BCL11B: variants seen among roughly 807,000 people sequenced by gnomAD.
The protein encoded by BCL11B is BCL11 transcription factor B.
BCL11B carries 8 observed loss-of-function variants against 49.9 expected under a neutral mutation model. The observed-to-expected ratio is 0.16, with a 90% CI of 0.09 to 0.29. The LOEUF is 0.29. BCL11B is among the 10% of genes least tolerant of loss of function. The pLI is 1.00. For missense variants in BCL11B, 1,006 were observed against 1,351.0 expected, an observed-to-expected ratio of 0.74 and a Z score of 4.00; for synonymous variants, 739 against 637.4, an observed-to-expected ratio of 1.16 and a Z score of -2.40.
At chr14:99,270,087 G>C (rs914340647) in intron 1 of BCL11B, among the ~76,000 whole-genome samples, 5 of 151,784 alleles carry the variant, frequency 3.3e-5, no homozygotes, top group South Asian at 2.1e-4. Context: ...GCCCGCTCGC[G>C]CTCGCTTTTC....
intron 3 of BCL11B, among the ~76,000 whole-genome samples, chr14:99,198,475 C>G (rs1243576210): frequency 2.0e-5 from 3 of 152,164 alleles, no homozygotes; most frequent in Non-Finnish European, 4.4e-5. Flanking sequence ...TTTTCAATTG[C>G]TGGGTGATGT....
Position 99,174,798 on chromosome 14 carries a change from CG to C in BCL11B, c.2037del (p.Leu681SerfsTer42). 7.0e-7 allele frequency: 1 copy of C among 1,430,884 alleles called. No homozygotes were observed. 88.6% of individuals were successfully genotyped at this position (1,430,884 alleles called of 1,614,324 possible). On this transcript the variant is annotated frameshift_variant, in exon 4 of 4. Transcript: ENST00000357195. LOFTEE classifies it high-confidence loss of function. The part of the protein sequence containing the change: ...FPRKPAPLPS[P>X]GLNSAAKRIK... ...ATGCGCTTGGCGGCGCTGTTGAGCC[CG>C]GGGCTGGGCAGCGGCGCGGGCTTGC... is the stretch of plus-strand genomic sequence containing the variant.
rs184242119 is a variant in BCL11B, at chr14:99,188,304, G to C, written c.641-12109C>G. The stretch of plus-strand genomic sequence containing the variant: ...AAAAACTGGACCTTATGAATGGGGG[G>C]AACACTGTTTGGATCACCAAGTGTT... On this transcript the variant is annotated intron_variant, in intron 3 of 3. Coordinates refer to ENST00000357195, the MANE Select transcript of BCL11B (RefSeq NM_138576.4). Among the ~76,000 whole-genome samples, 12 of 152,226 alleles carry C rather than the reference G, an allele frequency of 7.9e-5. No homozygotes were observed. The East Asian group carries it at 1.3e-3, about 17-fold the overall frequency.
intron 3 of BCL11B, among the ~76,000 whole-genome samples, chr14:99,190,983 T>C (rs916123886): frequency 3.3e-5 from 5 of 152,152 alleles, no homozygotes; most frequent in African/African-American, 1.2e-4. Flanking sequence ...AATCTAACAA[T>C]GGGAATTCAG....
intron 3 of BCL11B, among the ~76,000 whole-genome samples, chr14:99,188,707 C>G (rs1199970501): frequency 6.6e-6 from 1 of 152,148 alleles, no homozygotes; most frequent in Non-Finnish European, 1.5e-5. Flanking sequence ...CTCTGCCCCC[C>G]ACAGTGGGCT....
intron 3 of BCL11B, among the ~76,000 whole-genome samples, chr14:99,176,883 G>T (rs956530358): frequency 6.6e-6 from 1 of 151,948 alleles, no homozygotes; most frequent in Non-Finnish European, 1.5e-5. Context: ...CCAGGGAGTT[G>T]TACAGAAACA....
Position 99,205,334 on chromosome 14 carries a change from C to T in BCL11B, c.640+26011G>A, listed in dbSNP as rs1887503950. Among the ~76,000 whole-genome samples, 1 of 152,160 alleles carries T rather than the reference C, an allele frequency of 6.6e-6. No individual in the cohort carries two copies. Among genetic ancestry groups the T allele is most frequent in the Non-Finnish European group, 1.5e-5 (1 of 68,034 alleles). On this transcript the variant is annotated intron_variant, in intron 3 of 3. Transcript: ENST00000357195. The surrounding 1 kb of genome is among the most constrained non-coding windows in gnomAD (Gnocchi z 5.0). ...CGGGGACAGTCCCTAACTGAGACGG[C>T]CCAGGCCAGCAGGGCCAGTGGAGGA...
intron 2 of BCL11B, among the ~76,000 whole-genome samples, chr14:99,244,665 A>G (rs1345921714): frequency 6.6e-6 from 1 of 152,222 alleles, no homozygotes. Context: ...CCAAGTGTTG[A>G]ATTTGTTACC....
intron 3 of BCL11B, among the ~76,000 whole-genome samples, chr14:99,210,351 A>G (rs1308976076): frequency 6.6e-6 from 1 of 152,166 alleles, no homozygotes; most frequent in Non-Finnish European, 1.5e-5. Flanking sequence ...CCAAAACCGG[A>G]GAAGGGGAGG....
chr14:99,188,907 C>T (rs1054450060), intron 3 of BCL11B, among the ~76,000 whole-genome samples: 1 of 152,232 alleles, frequency 6.6e-6, no homozygotes, highest in African/African-American at 2.4e-5. Flanking sequence ...CAGCTTGTCA[C>T]CGAGCACAAA....
Position 99,231,677 on chromosome 14 carries a change from C to A in BCL11B, c.428-120G>T. The stretch of plus-strand genomic sequence containing the variant: ...CAGGCCACCCTTCGGGGGTGGGAGG[C>A]CCCCGGGGTGCCAGGCCCTGCAGGG... On this transcript the variant is annotated intron_variant, in intron 2 of 3. Coordinates refer to ENST00000357195, the MANE Select transcript of BCL11B (RefSeq NM_138576.4). This position sits in a 1 kb window ranked among gnomAD's most constrained non-coding sequence, Gnocchi z 8.1. 9.4e-7 allele frequency: 1 copy of A among 1,066,518 alleles called. No homozygotes were observed. Among genetic ancestry groups the A allele is most frequent in the Non-Finnish European group, 1.3e-6 (1 of 740,792 alleles). The allele number at this position is 1,066,518 out of a possible 1,614,324, so 66.1% of individuals were successfully genotyped here. A position where few individuals can be genotyped will look rare whatever the true frequency, so the allele number is the denominator to read the frequency against.
intron 3 of BCL11B, among the ~76,000 whole-genome samples, chr14:99,225,478 G>C (rs1469714862): frequency 6.6e-6 from 1 of 152,104 alleles, no homozygotes; most frequent in African/African-American, 2.4e-5. Flanking sequence ...TGAGGTCTCT[G>C]ATGTCCTTGG....
intron 3 of BCL11B, among the ~76,000 whole-genome samples, chr14:99,190,891 G>T (rs1037835581): frequency 7.5e-6 from 1 of 132,730 alleles, no homozygotes. Context: ...CACTCCCACC[G>T]CCCGCTTCGG....
chr14:99,183,270 G>C (rs535155528), intron 3 of BCL11B, among the ~76,000 whole-genome samples: 21 of 152,274 alleles, frequency 1.4e-4, no homozygotes, highest in Non-Finnish European at 2.6e-4. Context: ...GAAGAAATAA[G>C]GGAAGCCCAG....
intron 2 of BCL11B, among the ~76,000 whole-genome samples, chr14:99,250,280 C>A (rs1888970379): frequency 6.6e-6 from 1 of 151,962 alleles, no homozygotes; most frequent in South Asian, 2.1e-4. Flanking sequence ...CATGATCCCC[C>A]CGCCTCGGCC....
rs904881240 is a variant in BCL11B, at chr14:99,195,041, G to T, written c.641-18846C>A. ...CCCCCAGGTGCACAGATGGGAAAACGAAGGCTGCCCAGCATGCAGAAAGGG... is the reference window on the plus strand; with the variant it reads ...CCCCCAGGTGCACAGATGGGAAAACTAAGGCTGCCCAGCATGCAGAAAGGG... On this transcript the variant is annotated intron_variant, in intron 3 of 3. Coordinates refer to ENST00000357195, the MANE Select transcript of BCL11B (RefSeq NM_138576.4). This position sits in a 1 kb window ranked among gnomAD's most constrained non-coding sequence, Gnocchi z 4.7. Among the ~76,000 whole-genome samples the T allele has an allele frequency of 6.6e-6, 1 of 152,166 alleles. No individual in the cohort carries two copies. Among genetic ancestry groups the T allele is most frequent in the African/African-American group, 2.4e-5 (1 of 41,436 alleles).
chr14:99,208,044 C>T (rs1488344637), intron 3 of BCL11B, among the ~76,000 whole-genome samples: 2 of 152,192 alleles, frequency 1.3e-5, no homozygotes, highest in Non-Finnish European at 2.9e-5. Context: ...TAAATGAAGT[C>T]TACCCCAGGA....
intron 3 of BCL11B, among the ~76,000 whole-genome samples, chr14:99,211,623 G>A (rs887188982): frequency 7.2e-5 from 11 of 152,002 alleles, no homozygotes; most frequent in African/African-American, 1.5e-4. Flanking sequence ...ACAAACACAC[G>A]TGCACACACA....
intron 3 of BCL11B, among the ~76,000 whole-genome samples, chr14:99,180,797 C>G (rs932423617): frequency 1.1e-4 from 17 of 152,152 alleles, no homozygotes; most frequent in Non-Finnish European, 2.1e-4. Flanking sequence ...TAATGAAACC[C>G]TGGAGGACAT....
Sources: allele counts gnomAD v4.1 joint callset (sites outside exome capture counted in the v4.1 genomes callset), GRCh38; gene constraint gnomAD v4.1.1; non-coding constraint Gnocchi (gnomAD v3.1); transcripts MANE v1.5; gene names NCBI Gene and HGNC (gene_info 2026-07-23, HGNC 2026-07-21).